The following DLGAP5 variants were observed in gnomAD, a reference collection of about 807,000 sequenced individuals.
The protein encoded by DLGAP5 is disks large-associated protein 5.
In DLGAP5, 90 loss-of-function variants were observed where a neutral mutation model predicts 99.6. That is an observed-to-expected ratio of 0.90 (90% CI 0.76 to 1.08). The LOEUF (loss-of-function observed/expected upper bound fraction) is 1.08. Among genes scored for constraint, DLGAP5 ranks in the 50% least tolerant of loss-of-function variants. The probability of loss-of-function intolerance (pLI) is 0.00; values close to 1 mark genes in which losing one functional copy is unlikely to be tolerated. For missense variants in DLGAP5, 1,036 were observed against 983.5 expected (o/e 1.05, Z -0.71); for synonymous variants, 311 against 321.3 (o/e 0.97, Z 0.34).
chr14:55,166,567 TAAA>T (rs1179986246), intron 12 of DLGAP5, among the ~76,000 whole-genome samples: 1 of 151,732 alleles, frequency 6.6e-6, no homozygotes, highest in Non-Finnish European at 1.5e-5. Flanking sequence ...CCGTCTCTAC[TAAA>T]AATACAAAAT....
At chr14:55,161,958 T>C (rs375170889) in intron 13 of DLGAP5, among the ~76,000 whole-genome samples, 3 of 146,120 alleles carry the variant, frequency 2.1e-5, no homozygotes, top group East Asian at 2.0e-4. Context: ...ACTCTTAAGA[T>C]AGGATTTAAG....
chr14:55,162,483 G>GGC (rs2140311478), intron 13 of DLGAP5, among the ~76,000 whole-genome samples: 1 of 152,224 alleles, frequency 6.6e-6, no homozygotes, highest in East Asian at 1.9e-4. Context: ...GCCGGGTGTG[G>GGC]TGGCTGGCGC....
intron 5 of DLGAP5, 80 bp from the exon 6 acceptor site, chr14:55,180,858 A>ACTACC: frequency 6.3e-6 from 3 of 473,620 alleles, no homozygotes; most frequent in Non-Finnish European, 8.3e-6. Context: ...ATGGTAGTGC[A>ACTACC]ATGCCTGTAG....
Position 55,177,345 on chromosome 14 carries a change from T to G in DLGAP5, c.775-9A>C. ...ACTTTACAAGAAATACCCTAGGATG[T>G]GAGTTAACAAAGTAGAGTAAGATTT... On this transcript the variant is annotated splice_polypyrimidine_tract_variant and intron_variant, in intron 7 of 18. Coordinates refer to ENST00000247191, the MANE Select transcript of DLGAP5 (RefSeq NM_014750.5). 2.5e-6 allele frequency: 4 copies of G among 1,573,196 alleles called. No individual in the cohort carries two copies. The South Asian group carries it at 4.8e-5, about 19-fold the overall frequency.
intron 1 of DLGAP5, 43 bp from the exon 2 acceptor site, chr14:55,189,223 T>C (rs573579276): frequency 6.7e-7 from 1 of 1,488,116 alleles, no homozygotes; most frequent in South Asian, 1.2e-5. Flanking sequence ...TGAATTTTCA[T>C]TATTTAAAAA....
intron 10 of DLGAP5, among the ~76,000 whole-genome samples, chr14:55,173,777 G>A (rs1286482288): frequency 6.6e-6 from 1 of 152,152 alleles, no homozygotes; most frequent in African/African-American, 2.4e-5. Flanking sequence ...AATATAAATT[G>A]TAAAGATTTC....
chr14:55,164,310 A>C (rs1176516324), intron 12 of DLGAP5, among the ~76,000 whole-genome samples: 2 of 149,950 alleles, frequency 1.3e-5, no homozygotes, highest in Non-Finnish European at 3.0e-5. Flanking sequence ...ATCTCAAAGG[A>C]AAAAAAAAAG....
Position 55,191,572 on chromosome 14 carries a change from C to G in DLGAP5, c.-111G>C, listed in dbSNP as rs1003210654. ...GGAACCCTCACAACCCGAGCCTCCACGAAATTCAAACTTGCCGCACCGAGC... is the reference window on the plus strand; with the variant it reads ...GGAACCCTCACAACCCGAGCCTCCAGGAAATTCAAACTTGCCGCACCGAGC... On this transcript the variant is annotated 5_prime_UTR_variant, in exon 1 of 19. Transcript: ENST00000247191. 1 of 152,764 alleles carries G rather than the reference C, an allele frequency of 6.5e-6. No individual in the cohort carries two copies. The highest frequency in any genetic ancestry group is 1.5e-5 in the Non-Finnish European group (1 of 68,106). 9.5% of individuals were successfully genotyped at this position (152,764 alleles called of 1,614,324 possible). A position where few individuals can be genotyped will look rare whatever the true frequency, so the allele number is the denominator to read the frequency against.
chr14:55,190,920 A>T (rs1883594542), intron 1 of DLGAP5: 2 of 152,244 alleles, frequency 1.3e-5, no homozygotes, highest in Admixed American at 1.3e-4. Context: ...CGAGGACAAC[A>T]TTAAAGGTAC....
intron 7 of DLGAP5, among the ~76,000 whole-genome samples, chr14:55,178,975 G>A (rs2139521146): frequency 6.6e-6 from 1 of 152,152 alleles, no homozygotes; most frequent in East Asian, 1.9e-4. Flanking sequence ...TGAACCCGGG[G>A]AGCGGAAGGT....
Position 55,182,396 on chromosome 14 carries a change from C to T in DLGAP5, c.469G>A (p.Ala157Thr). ...TTAGTCTGCTCCATTTGGTCTTTGG[C>T]CTTTGACCTTGTAATCCGTACAGAA... ...PSSVRITRSK[A>T]KDQMEQTKID... Residue 157 changes from alanine to threonine, a missense_variant, in exon 4 of 19, where the codon GCC (alanine) becomes ACC (threonine). Transcript: ENST00000247191. 6.2e-7 allele frequency: 1 copy of T among 1,612,722 alleles called. No homozygotes were observed. Among genetic ancestry groups the T allele is most frequent in the Non-Finnish European group, 8.5e-7 (1 of 1,179,194 alleles).
chr14:55,176,004 G>C lies in DLGAP5; in HGVS notation c.1064C>G (p.Ala355Gly). The C allele has an allele frequency of 6.2e-7, 1 of 1,605,094 alleles. No individual in the cohort carries two copies. The highest frequency in any genetic ancestry group is 8.5e-7 in the Non-Finnish European group (1 of 1,174,890). Residue 355 changes from alanine to glycine, a missense_variant, in exon 9 of 19, where the codon GCA becomes GGA. Coordinates refer to ENST00000247191, the MANE Select transcript of DLGAP5 (RefSeq NM_014750.5). The stretch of plus-strand genomic sequence containing the variant: ...TTTTTGTGCCAAAATTTCTTTTGTT[G>C]CTTGAGACTCATCACTAAAAACAAT... ...PLKTEVDESQATKEILAQKCK... is the reference protein window; with the variant it reads ...PLKTEVDESQGTKEILAQKCK...
rs575719694 is a variant in DLGAP5, at chr14:55,163,162, AAT to A, written c.1549-89_1549-88del. 3.1e-4 allele frequency: 208 copies of A among 679,478 alleles called. No individual in the cohort carries two copies. In the African/African-American group the frequency reaches 3.3e-3, roughly 11 times the overall value. The allele number at this position is 679,478 out of a possible 1,614,324, so 42.1% of individuals were successfully genotyped here. On this transcript the variant is annotated intron_variant, in intron 12 of 18. Transcript: ENST00000247191. ...AGCTGAAGACTAAAAAAAAATTAAA[AAT>A]AGTGATTCAGAAATGATGAGTTATT... is the stretch of plus-strand genomic sequence containing the variant.
intron 18 of DLGAP5, among the ~76,000 whole-genome samples, chr14:55,149,812 G>A (rs1881947967): frequency 2.1e-5 from 1 of 47,002 alleles, no homozygotes; most frequent in Non-Finnish European, 3.7e-5. Context: ...TTGAGAATCG[G>A]GGCGGGGGGG....
chr14:55,173,603 C>CTCTATA (rs1334648919), intron 10 of DLGAP5, among the ~76,000 whole-genome samples: 1,981 of 148,420 alleles, frequency 0.013, 41 homozygotes, highest in African/African-American at 0.048. Context: ...CTCTCTCTCT[C>CTCTATA]TATATATATA....
chr14:55,172,616 CCT>C (rs940853192), intron 10 of DLGAP5, among the ~76,000 whole-genome samples: 8 of 151,440 alleles, frequency 5.3e-5, no homozygotes, highest in Non-Finnish European at 8.8e-5. Context: ...AGAGTGAGAC[CCT>C]GTCTCAAAAA....
chr14:55,165,534 A>C (rs1044078068), intron 12 of DLGAP5, among the ~76,000 whole-genome samples: 2 of 148,094 alleles, frequency 1.4e-5, no homozygotes, highest in Admixed American at 6.8e-5. Flanking sequence ...AAAAAACAAA[A>C]AAAAAAACCC....
intron 1 of DLGAP5, among the ~76,000 whole-genome samples, chr14:55,189,470 G>C (rs966790546): frequency 2.6e-5 from 4 of 151,922 alleles, no homozygotes; most frequent in Admixed American, 6.6e-5. Context: ...ACTGCAAAAA[G>C]AAAAGCGTGA....
At chr14:55,177,508 G>A (rs1259170721) in intron 7 of DLGAP5, among the ~76,000 whole-genome samples, 172 bp from the exon 8 acceptor site, 2 of 151,326 alleles carry the variant, frequency 1.3e-5, no homozygotes, top group Admixed American at 1.3e-4. Flanking sequence ...GACCAGTTAC[G>A]CTAAATCCAT....
Sources: gnomAD v4.1 joint callset for allele counts (sites outside exome capture counted in the v4.1 genomes callset) on GRCh38, gnomAD v4.1.1 for gene constraint, MANE v1.5 for transcripts, NCBI Gene and HGNC (gene_info 2026-07-23, HGNC 2026-07-21) for gene names.